NDUFA8: variants seen among roughly 807,000 people sequenced by gnomAD.
NDUFA8 encodes the protein NADH:ubiquinone oxidoreductase subunit A8.
A neutral mutation model predicts 20.9 loss-of-function variants in NDUFA8; 16 were observed. The observed-to-expected ratio is 0.77, with a 90% CI of 0.52 to 1.16. NDUFA8 has a LOEUF of 1.16. NDUFA8 is among the 50% of genes most tolerant of loss of function. The probability of loss-of-function intolerance (pLI) is 0.00; values close to 1 mark genes in which losing one functional copy is unlikely to be tolerated. For synonymous variants in NDUFA8, 70 were observed against 76.1 expected (o/e 0.92, Z 0.41); for missense variants, 202 against 216.4 (o/e 0.93, Z 0.42).
chr9:122,154,189 T>C (rs1041616656), intron 1 of NDUFA8, among the ~76,000 whole-genome samples: 10 of 152,218 alleles, frequency 6.6e-5, no homozygotes, highest in Admixed American at 6.5e-4. Context: ...TAAGCTATGG[T>C]AATTAAATAT....
intron 1 of NDUFA8, among the ~76,000 whole-genome samples, chr9:122,155,282 T>C (rs1829061303): frequency 6.6e-6 from 1 of 152,228 alleles, no homozygotes; most frequent in Non-Finnish European, 1.5e-5. Flanking sequence ...TTCCTCCATG[T>C]TGGTCAGGCT....
At chr9:122,149,944 G>A (rs1167186256) in intron 2 of NDUFA8, among the ~76,000 whole-genome samples, 2 of 151,830 alleles carry the variant, frequency 1.3e-5, no homozygotes, top group East Asian at 3.9e-4. Flanking sequence ...GTGACAGAGT[G>A]AGACTCTGTC....
downstream of NDUFA8, among the ~76,000 whole-genome samples, chr9:122,139,326 G>T (rs1828788206): frequency 7.0e-6 from 1 of 143,774 alleles, no homozygotes; most frequent in Non-Finnish European, 1.6e-5. Flanking sequence ...GTCCTTCTGT[G>T]GCCTGTCTTC....
chr9:122,134,202 G>A, the NDUFA8 span, among the ~76,000 whole-genome samples: 1 of 152,216 alleles, frequency 6.6e-6, no homozygotes, highest in Non-Finnish European at 1.5e-5. Context: ...CAGTTTTCAT[G>A]ATTCAGAGTC....
chr9:122,134,361 G>A, the NDUFA8 span, among the ~76,000 whole-genome samples: 30 of 152,212 alleles, frequency 2.0e-4, no homozygotes, highest in Middle Eastern at 6.8e-3. Context: ...TGTGTGACCC[G>A]CGATAATGAG....
chr9:122,153,993 TC>T (rs1829040924), intron 1 of NDUFA8, among the ~76,000 whole-genome samples: 1 of 152,206 alleles, frequency 6.6e-6, no homozygotes, highest in Non-Finnish European at 1.5e-5. Context: ...ACATACTTGT[TC>T]TTTCCTCTCT....
At chr9:122,148,355 G>A in intron 2 of NDUFA8, 78 bp from the exon 3 acceptor site, 1 of 1,501,722 alleles carries the variant, frequency 6.7e-7, no homozygotes, top group East Asian at 2.3e-5. Context: ...AATAGGTACA[G>A]ATCTCAAATA....
chr9:122,148,218 G>C lies in NDUFA8; in HGVS notation c.275C>G (p.Thr92Ser). The C allele has an allele frequency of 6.2e-7, 1 of 1,614,192 alleles. No homozygotes were observed. Among genetic ancestry groups the C allele is most frequent in the Non-Finnish European group, 8.5e-7 (1 of 1,180,038 alleles). ...FTEYWTCIDY[T>S]GQQLFRHCRK... ...ACAGTGACGAAATAACTGCTGGCCA[G>C]TATAATCAATGCAAGTCCAATATTC... is the stretch of plus-strand genomic sequence containing the variant. The change falls in exon 3 of 4, where the codon ACT becomes AGT. Residue 92 changes from threonine to serine, a missense_variant. Physicochemically the swap from Thr to Ser is moderately conservative, Grantham distance 58. Coordinates refer to ENST00000373768, the MANE Select transcript of NDUFA8 (RefSeq NM_014222.3).
chr9:122,135,318 A>G, the NDUFA8 span, among the ~76,000 whole-genome samples: 3 of 152,202 alleles, frequency 2.0e-5, no homozygotes, highest in Non-Finnish European at 4.4e-5. Context: ...TGTTATTCTC[A>G]TTTCTCAAAG....
downstream of NDUFA8, among the ~76,000 whole-genome samples, chr9:122,143,814 T>C (rs545824206): frequency 8.5e-5 from 13 of 152,292 alleles, no homozygotes; most frequent in Admixed American, 2.6e-4. Context: ...AGACGTTGGA[T>C]GGAAGGAAAG....
intron 1 of NDUFA8, among the ~76,000 whole-genome samples, chr9:122,157,376 C>G (rs969829801): frequency 6.6e-6 from 1 of 152,208 alleles, no homozygotes; most frequent in East Asian, 1.9e-4. Context: ...TCTGCAAATG[C>G]TAAAATCAAG....
rs759658609 is a variant in NDUFA8 at position 122,159,728 on chromosome 9, G to A, written c.-51C>T. ...AGAAGCCCTCAGCCGCGTCGCCCCCGTCTCCTTGAACTCCCCTTTCGACCG... is the reference window on the plus strand; with the variant it reads ...AGAAGCCCTCAGCCGCGTCGCCCCCATCTCCTTGAACTCCCCTTTCGACCG... On this transcript the variant is annotated 5_prime_UTR_variant, in exon 1 of 4. The change creates a new upstream start codon in the 5' untranslated region. Coordinates refer to ENST00000373768, the MANE Select transcript of NDUFA8 (RefSeq NM_014222.3). The A allele has an allele frequency of 3.1e-6, 5 of 1,613,130 alleles. No homozygotes were observed. Among genetic ancestry groups the A allele is most frequent in the African/African-American group, 1.3e-5 (1 of 75,046 alleles).
chr9:122,158,054 G>A (rs926687278), intron 1 of NDUFA8, among the ~76,000 whole-genome samples: 1 of 152,176 alleles, frequency 6.6e-6, no homozygotes, highest in African/African-American at 2.4e-5. Flanking sequence ...TCGGGAGGCT[G>A]AGGCAGCAGA....
downstream of NDUFA8, among the ~76,000 whole-genome samples, chr9:122,140,406 C>G (rs1464030268): frequency 1.3e-5 from 2 of 152,090 alleles, no homozygotes; most frequent in East Asian, 3.8e-4. Context: ...TTATTATATC[C>G]AAAGCATTTC....
At chr9:122,139,821 G>C (rs1251259446), downstream of NDUFA8, among the ~76,000 whole-genome samples, 2 of 152,160 alleles carry the variant, frequency 1.3e-5, no homozygotes, top group Non-Finnish European at 2.9e-5. Flanking sequence ...AACCTCCCCA[G>C]TAGCTGGGAT....
chr9:122,152,608 T>G (rs1032276009), intron 1 of NDUFA8, among the ~76,000 whole-genome samples, 200 bp from the exon 2 acceptor site: 1 of 149,828 alleles, frequency 6.7e-6, no homozygotes, highest in African/African-American at 2.5e-5. Context: ...CAGGCTGGAG[T>G]GCAGTGGCGC....
chr9:122,156,591 C>A (rs938433512), intron 1 of NDUFA8, among the ~76,000 whole-genome samples: 4 of 152,164 alleles, frequency 2.6e-5, no homozygotes, highest in African/African-American at 9.7e-5. Context: ...ACTTTCCAGT[C>A]CAAAGCTTCT....
chr9:122,143,748 G>A (rs113329433), downstream of NDUFA8, among the ~76,000 whole-genome samples: 29 of 152,342 alleles, frequency 1.9e-4, 1 homozygote, highest in African/African-American at 6.5e-4. Flanking sequence ...AGAAGTTTCT[G>A]CACTTCTATC....
the NDUFA8 span, among the ~76,000 whole-genome samples, chr9:122,138,896 G>GC: frequency 6.8e-6 from 1 of 146,122 alleles, no homozygotes; most frequent in South Asian, 2.2e-4. Flanking sequence ...AGAGGACACA[G>GC]CAAGAGGAAA....
Sources: gnomAD v4.1 joint callset for allele counts (sites outside exome capture counted in the v4.1 genomes callset) on GRCh38, gnomAD v4.1.1 for gene constraint, MANE v1.5 for transcripts, NCBI Gene and HGNC (gene_info 2026-07-23, HGNC 2026-07-21) for gene names.